ERBB4: variants seen among roughly 807,000 people sequenced by gnomAD.
ERBB4 encodes the protein receptor tyrosine-protein kinase erbB-4.
In ERBB4, 42 loss-of-function variants were observed where a neutral mutation model predicts 158.0. That is an observed-to-expected ratio of 0.27 (90% CI 0.21 to 0.34). ERBB4 has a LOEUF of 0.34. Among genes scored for constraint, ERBB4 ranks in the 10% least tolerant of loss-of-function variants. ERBB4 has a pLI of 1.00. For synonymous variants in ERBB4, 583 were observed against 558.7 expected, an observed-to-expected ratio of 1.04 and a Z score of -0.61; for missense variants, 1,333 against 1,624.1, an observed-to-expected ratio of 0.82 and a Z score of 3.08.
chr2:212,533,029 G>A (rs1340320599), intron 1 of ERBB4, among the ~76,000 whole-genome samples: 1 of 152,074 alleles, frequency 6.6e-6, no homozygotes, highest in Admixed American at 6.5e-5. Context: ...TACAGAATTG[G>A]AAAATACGGC....
chr2:212,021,308 T>C (rs759464527), intron 2 of ERBB4, among the ~76,000 whole-genome samples: 6 of 152,110 alleles, frequency 3.9e-5, no homozygotes, highest in Non-Finnish European at 7.4e-5. Flanking sequence ...AAAACTATAA[T>C]CTTGTGTAGT....
intron 2 of ERBB4, among the ~76,000 whole-genome samples, chr2:212,002,757 A>G (rs901157222): frequency 9.9e-5 from 15 of 152,022 alleles, no homozygotes; most frequent in Non-Finnish European, 1.8e-4. Context: ...GAAGTCTTAG[A>G]CGTTTGAAAA....
intron 1 of ERBB4, among the ~76,000 whole-genome samples, chr2:212,458,662 G>A (rs1688423701): frequency 6.6e-6 from 1 of 152,022 alleles, no homozygotes; most frequent in Non-Finnish European, 1.5e-5. Flanking sequence ...GTGTAAGACA[G>A]ATTTAATGGG....
rs146958517 is a variant in ERBB4 at position 211,487,599 on chromosome 2, C to T, written c.2488-56499G>A. Among the ~76,000 whole-genome samples, 23 of 152,026 alleles carry T rather than the reference C, an allele frequency of 1.5e-4. No homozygotes were observed. In the East Asian group the frequency reaches 4.5e-3, roughly 29 times the overall value. ...CAGAATTTCTGGGAAAACAGGTGCCCCCTTTTCCAAAACAATGGCGTTGCA... is the reference window on the plus strand; with the variant it reads ...CAGAATTTCTGGGAAAACAGGTGCCTCCTTTTCCAAAACAATGGCGTTGCA... On this transcript the variant is annotated intron_variant, in intron 20 of 27. Transcript: ENST00000342788.
intron 1 of ERBB4, among the ~76,000 whole-genome samples, chr2:212,170,129 C>T (rs2081471160): frequency 6.6e-6 from 1 of 152,138 alleles, no homozygotes; most frequent in Non-Finnish European, 1.5e-5. Flanking sequence ...AAGTTTGGAA[C>T]TTCATAGAGA....
At chr2:212,327,021 G>T (rs968479763) in intron 1 of ERBB4, among the ~76,000 whole-genome samples, 10 of 150,642 alleles carry the variant, frequency 6.6e-5, no homozygotes, top group Non-Finnish European at 1.0e-4. Flanking sequence ...ACCTTATAAT[G>T]GAAAAAGAGA....
intron 1 of ERBB4, among the ~76,000 whole-genome samples, chr2:212,409,308 G>A (rs2106482640): frequency 6.6e-6 from 1 of 152,246 alleles, no homozygotes; most frequent in East Asian, 1.9e-4. Context: ...TTTAAAAGCA[G>A]TAAATAAGTA....
At chr2:211,712,547 T>C (rs2073740006) in intron 8 of ERBB4, among the ~76,000 whole-genome samples, 1 of 152,148 alleles carries the variant, frequency 6.6e-6, no homozygotes, top group South Asian at 2.1e-4. Context: ...TTTTTAATGA[T>C]TTTGAAATGC....
At position 212,128,746 on chromosome 2, in the gene ERBB4, T is replaced by C. The variant is rs1029503552; in HGVS notation, c.83-3843A>G. 2.0e-5 allele frequency among the ~76,000 whole-genome samples: 3 copies of C among 152,216 alleles called. No individual in the cohort carries two copies. In the South Asian group the frequency reaches 6.2e-4, roughly 31 times the overall value. Reference sequence around the variant, plus strand: ...TATAATGAAATTACAGTATCATTCCTAACCATAACGACATTTTATTGGCTC... The same window carrying C: ...TATAATGAAATTACAGTATCATTCCCAACCATAACGACATTTTATTGGCTC... On this transcript the variant is annotated intron_variant, in intron 1 of 27. Coordinates refer to ENST00000342788, the MANE Select transcript of ERBB4 (RefSeq NM_005235.3).
intron 2 of ERBB4, among the ~76,000 whole-genome samples, chr2:212,123,128 G>A (rs565802426): frequency 2.6e-5 from 4 of 152,300 alleles, no homozygotes; most frequent in Admixed American, 6.5e-5. Context: ...TGGGCCGGGC[G>A]CGGTGGCTCA....
At chr2:212,234,887 T>C (rs767853155) in intron 1 of ERBB4, among the ~76,000 whole-genome samples, 15 of 152,208 alleles carry the variant, frequency 9.9e-5, no homozygotes, top group Admixed American at 3.3e-4. Context: ...CTTTGTCAGA[T>C]GGATAGATTG....
intron 1 of ERBB4, among the ~76,000 whole-genome samples, chr2:212,135,070 G>A (rs927135350): frequency 6.6e-6 from 1 of 152,016 alleles, no homozygotes; most frequent in Admixed American, 6.6e-5. Context: ...TTGTACCTAT[G>A]GAAGACATAG....
At chr2:212,164,683 A>G (rs2081296120) in intron 1 of ERBB4, among the ~76,000 whole-genome samples, 1 of 103,682 alleles carries the variant, frequency 9.6e-6, no homozygotes, top group Non-Finnish European at 2.1e-5. Flanking sequence ...TTTGATTTTT[A>G]GGTAAATAAT....
intron 1 of ERBB4, among the ~76,000 whole-genome samples, chr2:212,434,554 C>G (rs1259912655): frequency 6.6e-6 from 1 of 151,812 alleles, no homozygotes; most frequent in African/African-American, 2.4e-5. Flanking sequence ...CTGCTTTTTA[C>G]CACGACTTGG....
At chr2:211,722,014 C>T (rs1312689682) in intron 7 of ERBB4, among the ~76,000 whole-genome samples, 1 of 152,114 alleles carries the variant, frequency 6.6e-6, no homozygotes, top group Non-Finnish European at 1.5e-5. Context: ...AGGCGCCCGC[C>T]ACCACGCCTG....
intron 2 of ERBB4, among the ~76,000 whole-genome samples, chr2:212,063,744 G>A (rs1274585384): frequency 1.3e-5 from 2 of 152,112 alleles, no homozygotes; most frequent in Non-Finnish European, 2.9e-5. Flanking sequence ...GTTAAATATA[G>A]GAACTATCAT....
intron 1 of ERBB4, among the ~76,000 whole-genome samples, chr2:212,218,630 T>A (rs564802306): frequency 6.6e-6 from 1 of 151,490 alleles, no homozygotes; most frequent in East Asian, 1.9e-4. Flanking sequence ...AGATTGCCAT[T>A]CCATTTTAGT....
chr2:211,849,076 T>C (rs916444743), intron 3 of ERBB4, among the ~76,000 whole-genome samples: 2 of 152,088 alleles, frequency 1.3e-5, no homozygotes, highest in African/African-American at 4.8e-5. Context: ...TGGAAAACTA[T>C]GAATGGTGTG....
chr2:211,857,438 C>T (rs2077900034), intron 3 of ERBB4, among the ~76,000 whole-genome samples: 1 of 152,098 alleles, frequency 6.6e-6, no homozygotes, highest in Non-Finnish European at 1.5e-5. Context: ...ACTGGAAGAG[C>T]AACTGAACTA....
Sources: gnomAD v4.1 joint callset for allele counts (sites outside exome capture counted in the v4.1 genomes callset) on GRCh38, gnomAD v4.1.1 for gene constraint, MANE v1.5 for transcripts, NCBI Gene and HGNC (gene_info 2026-07-23, HGNC 2026-07-21) for gene names.